The following ZFPM1 variants were observed in gnomAD, a reference collection of about 807,000 sequenced individuals.
The protein encoded by ZFPM1 is zinc finger protein, FOG family member 1, also known as zinc finger protein ZFPM1.
ZFPM1 carries 28 observed loss-of-function variants against 46.3 expected under a neutral mutation model. That is an observed-to-expected ratio of 0.60 (90% CI 0.45 to 0.83). The LOEUF is 0.83. Ranked by LOEUF, ZFPM1 falls within the 40% of genes least tolerant of loss-of-function variation. The pLI is 0.00. For synonymous variants in ZFPM1, 957 were observed against 675.9 expected (o/e 1.42, Z -6.45); for missense variants, 1,878 against 1,432.4 (o/e 1.31, Z -5.02).
intron 1 of ZFPM1, among the ~76,000 whole-genome samples, chr16:88,483,532 A>G (rs1909059387): frequency 6.6e-6 from 1 of 151,966 alleles, no homozygotes; most frequent in Non-Finnish European, 1.5e-5. Flanking sequence ...TCCGAGATCT[A>G]CCGGCGGCAG....
chr16:88,528,961 C>CT lies in ZFPM1; in HGVS notation c.712+724dup, dbSNP rs142395919. Among the ~76,000 whole-genome samples the CT allele has an allele frequency of 6.6e-3, 1,001 of 152,310 alleles. 9 individuals are homozygous for CT. Among genetic ancestry groups the CT allele is most frequent in the African/African-American group, 0.021 (879 of 41,546 alleles). On this transcript the variant is annotated intron_variant, in intron 6 of 9. Transcript: ENST00000319555. The stretch of plus-strand genomic sequence containing the variant: ...TCTTGCAGTGGCTCTCTCGGAAACT[C>CT]TGAGGGTGGCTGCGGGAATCATGAG...
Position 88,485,885 on chromosome 16 carries a change from C to A in ZFPM1, c.41-54C>A, listed in dbSNP as rs1909192608. On this transcript the variant is annotated intron_variant, in intron 1 of 9. Transcript: ENST00000319555. Reference sequence around the variant, plus strand: ...ACCTATGCCAGGAGGGGTCAGGAGGCAGGAGCTGTCCCCCCAGAGCTCCTC... The same window carrying A: ...ACCTATGCCAGGAGGGGTCAGGAGGAAGGAGCTGTCCCCCCAGAGCTCCTC... 4 of 1,540,178 alleles carry A rather than the reference C, an allele frequency of 2.6e-6. No individual in the cohort carries two copies. The African/African-American group carries it at 4.1e-5, about 16-fold the overall frequency.
rs576534293 is a variant in ZFPM1 at position 88,497,274 on chromosome 16, C to T, written c.268+8121C>T. Among the ~76,000 whole-genome samples the T allele has an allele frequency of 6.6e-6, 1 of 152,300 alleles. No individual in the cohort carries two copies. The highest frequency in any genetic ancestry group is 6.5e-5 in the Admixed American group (1 of 15,298). On this transcript the variant is annotated intron_variant, in intron 3 of 9. Coordinates refer to ENST00000319555, the MANE Select transcript of ZFPM1 (RefSeq NM_153813.3). This position sits in a 1 kb window ranked among gnomAD's most constrained non-coding sequence, Gnocchi z 5.4. The stretch of plus-strand genomic sequence containing the variant: ...AGGTGGACGGCCCCAGCCCCAGCCC[C>T]AGCCCCAGCCCCATTCCAAGGTGTG...
Position 88,532,222 on chromosome 16 carries a change from G to C in ZFPM1, c.933G>C (p.Met311Ile). The C allele has an allele frequency of 6.2e-7, 1 of 1,604,218 alleles. No homozygotes were observed. The highest frequency in any genetic ancestry group is 8.5e-7 in the Non-Finnish European group (1 of 1,173,738). Residue 311 changes from methionine (M) to isoleucine (I), a missense_variant, in exon 7 of 10, where the codon ATG becomes ATC. Physicochemically the swap from Met to Ile is conservative, Grantham distance 10. Coordinates refer to ENST00000319555, the MANE Select transcript of ZFPM1 (RefSeq NM_153813.3). ...CPSASSLEIH[M>I]RSHSGERPFV... Reference sequence around the variant, plus strand: ...GCGCCAGCTCCCTGGAGATCCACATGCGCAGCCACAGCGGTGAGCCCCCAC... The same window carrying C: ...GCGCCAGCTCCCTGGAGATCCACATCCGCAGCCACAGCGGTGAGCCCCCAC...
At chr16:88,483,535 G>T (rs1013891317) in intron 1 of ZFPM1, among the ~76,000 whole-genome samples, 1 of 152,024 alleles carries the variant, frequency 6.6e-6, no homozygotes, top group Non-Finnish European at 1.5e-5. Flanking sequence ...GAGATCTACC[G>T]GCGGCAGCCC....
At chr16:88,501,953 ACCAGGCCGGTGAGC>A (rs1910368547) in intron 3 of ZFPM1, among the ~76,000 whole-genome samples, 1 of 151,990 alleles carries the variant, frequency 6.6e-6, no homozygotes, top group African/African-American at 2.4e-5. Context: ...CGAGGTGGAG[ACCAGGCCGGTGAGC>A]CCTGACCTCC....
At chr16:88,514,284 C>T in intron 3 of ZFPM1, 103 bp from the exon 4 acceptor site, 2 of 1,505,786 alleles carry the variant, frequency 1.3e-6, no homozygotes, top group Non-Finnish European at 1.8e-6. Context: ...CCCAGGCCCC[C>T]AGGACTGCCA....
At chr16:88,517,585 G>A (rs1055682827) in intron 4 of ZFPM1, among the ~76,000 whole-genome samples, 1 of 150,498 alleles carries the variant, frequency 6.6e-6, no homozygotes, top group African/African-American at 2.5e-5. Flanking sequence ...ACTAATGGAT[G>A]GATAAATGAG....
At chr16:88,481,216 A>T (rs546364466) in intron 1 of ZFPM1, among the ~76,000 whole-genome samples, 114 of 152,288 alleles carry the variant, frequency 7.5e-4, no homozygotes, top group African/African-American at 2.7e-3. Flanking sequence ...GCCGCCAATG[A>T]CCACAGCCAT....
chr16:88,532,238 G>T lies in ZFPM1; in HGVS notation c.946+3G>T, dbSNP rs763208269. 2 of 1,594,806 alleles carry T rather than the reference G, an allele frequency of 1.3e-6. No individual in the cohort carries two copies. The highest frequency in any genetic ancestry group is 2.2e-5 in the South Asian group (2 of 90,120). On this transcript the variant is annotated splice_donor_region_variant and intron_variant, in intron 7 of 9. Coordinates refer to ENST00000319555, the MANE Select transcript of ZFPM1 (RefSeq NM_153813.3). ...GATCCACATGCGCAGCCACAGCGGTGAGCCCCCACCCCGGACGCGGGTCCT... is the reference window on the plus strand; with the variant it reads ...GATCCACATGCGCAGCCACAGCGGTTAGCCCCCACCCCGGACGCGGGTCCT...
intron 1 of ZFPM1, among the ~76,000 whole-genome samples, chr16:88,463,800 C>A (rs144046565): frequency 1.3e-5 from 2 of 152,236 alleles, no homozygotes; most frequent in African/African-American, 2.4e-5. Context: ...TGAGGCCTTC[C>A]TGTGTCTCTA....
chr16:88,502,750 G>T (rs569226958), intron 3 of ZFPM1, among the ~76,000 whole-genome samples: 1 of 152,376 alleles, frequency 6.6e-6, no homozygotes, highest in Admixed American at 6.5e-5. Flanking sequence ...TCCCGGCATG[G>T]GCGGGCTCAG....
chr16:88,517,354 GTGGGTGGATAA>G (rs1345790198), intron 4 of ZFPM1, among the ~76,000 whole-genome samples: 5 of 146,846 alleles, frequency 3.4e-5, no homozygotes, highest in African/African-American at 1.3e-4. Context: ...GGATGGATGG[GTGGGTGGATAA>G]TGGGTGGATG....
At chr16:88,486,687 T>C (rs1909246442) in intron 2 of ZFPM1, among the ~76,000 whole-genome samples, 1 of 147,042 alleles carries the variant, frequency 6.8e-6, no homozygotes, top group African/African-American at 2.6e-5. Flanking sequence ...AGGTACACAG[T>C]GGGTGCTGGG....
intron 4 of ZFPM1, among the ~76,000 whole-genome samples, chr16:88,515,952 G>C (rs1911270691): frequency 6.6e-6 from 1 of 152,084 alleles, no homozygotes; most frequent in Admixed American, 6.5e-5. Flanking sequence ...TCTCATCTCT[G>C]AACTCTCAAA....
chr16:88,532,975 C>A, intron 9 of ZFPM1, 40 bp downstream of exon 9: 1 of 1,610,248 alleles, frequency 6.2e-7, no homozygotes, highest in Non-Finnish European at 8.5e-7. Context: ...CCCTTAGGCC[C>A]CCTGAGCAGT....
At chr16:88,521,743 ACACCCTGTGCTGTTCCCTC>A (rs1567550817) in intron 4 of ZFPM1, among the ~76,000 whole-genome samples, 1 of 12,692 alleles carries the variant, frequency 7.9e-5, no homozygotes, top group African/African-American at 4.2e-4. Flanking sequence ...TGCTGTTCCC[ACACCCTGTGCTGTTCCCTC>A]CCCTGTGCTG....
chr16:88,535,044 C>T lies in ZFPM1; in HGVS notation c.*65C>T. ...TGCGATGCGGGGAGGGGGCCGCCCC[C>T]AGGCCGCACGGACTGCCGCTCCTGG... On this transcript the variant is annotated 3_prime_UTR_variant, in exon 10 of 10. Coordinates refer to ENST00000319555, the MANE Select transcript of ZFPM1 (RefSeq NM_153813.3). 1 of 1,347,178 alleles carries T rather than the reference C, an allele frequency of 7.4e-7. No individual in the cohort carries two copies. The highest frequency in any genetic ancestry group is 9.6e-7 in the Non-Finnish European group (1 of 1,042,918). 83.5% of individuals were successfully genotyped at this position (1,347,178 alleles called of 1,614,324 possible).
chr16:88,505,978 C>T (rs1344558864), intron 3 of ZFPM1, among the ~76,000 whole-genome samples: 2 of 152,256 alleles, frequency 1.3e-5, no homozygotes, highest in Non-Finnish European at 2.9e-5. Context: ...CTGAGGGTCT[C>T]AGGAAGGCAG....
Sources: gnomAD v4.1 joint callset for allele counts (sites outside exome capture counted in the v4.1 genomes callset) on GRCh38, gnomAD v4.1.1 for gene constraint, Gnocchi (gnomAD v3.1) non-coding constraint, MANE v1.5 for transcripts, NCBI Gene and HGNC (gene_info 2026-07-23, HGNC 2026-07-21) for gene names.